POLR2E: variants seen among roughly 807,000 people sequenced by gnomAD.
The protein encoded by POLR2E is DNA-directed RNA polymerases I, II, and III subunit RPABC1.
A neutral mutation model predicts 29.8 loss-of-function variants in POLR2E; 35 were observed. The ratio of observed to expected loss-of-function variants is 1.17; its 90% CI spans 0.90 to 1.55. The LOEUF (loss-of-function observed/expected upper bound fraction) is 1.55, where lower values mean the gene tolerates loss of function less well. Among genes scored for constraint, POLR2E ranks in the 40% most tolerant of loss-of-function variants. POLR2E has a pLI of 0.00. For synonymous variants in POLR2E, 174 were observed against 112.6 expected, an observed-to-expected ratio of 1.55 and a Z score of -3.45; for missense variants, 287 against 288.6, an observed-to-expected ratio of 0.99 and a Z score of 0.04.
At chr19:1,094,358 C>G (rs938558230) in intron 1 of POLR2E, 2 of 439,818 alleles carry the variant, frequency 4.5e-6, no homozygotes, top group Admixed American at 4.2e-5. Flanking sequence ...GCAAAGCCCT[C>G]CAAACCACTT....
intron 4 of POLR2E, among the ~76,000 whole-genome samples, 166 bp downstream of exon 4, chr19:1,090,742 C>T (rs969467936): frequency 6.6e-6 from 1 of 152,008 alleles, no homozygotes; most frequent in African/African-American, 2.4e-5. Flanking sequence ...TAGGAAGCTC[C>T]CGGGTTCGGC....
At chr19:1,090,022 G>C (rs565208015) in intron 5 of POLR2E, 60 bp from the exon 6 acceptor site, 1 of 33,154 alleles carries the variant, frequency 3.0e-5, no homozygotes, top group South Asian at 5.0e-4. Context: ...GGGTGTGTGT[G>C]GGGGGGGAAC....
At chr19:1,092,882 C>CAAAAA (rs35413641) in intron 2 of POLR2E, among the ~76,000 whole-genome samples, 3 of 67,938 alleles carry the variant, frequency 4.4e-5, no homozygotes, top group African/African-American at 6.2e-5. Context: ...GACTCAGTCT[C>CAAAAA]AAAAAAAAAA....
chr19:1,089,607 C>A, intron 6 of POLR2E, 56 bp from the exon 7 acceptor site: 1 of 1,433,932 alleles, frequency 7.0e-7, no homozygotes, highest in South Asian at 1.1e-5. Context: ...CTGCAGTCAC[C>A]AGACAGCAGG....
In POLR2E at chr19:1,095,358, C is replaced by T. The variant is rs762590254; in HGVS notation, c.-43G>A. ...CCGCCGCTCGCACCCCTTCTCCGCG[C>T]GAGAACCCGCGCGGACTGCGCCTGC... On this transcript the variant is annotated 5_prime_UTR_variant, in exon 1 of 8. Coordinates refer to ENST00000615234, the MANE Select transcript of POLR2E (RefSeq NM_002695.5). 1.9e-6 allele frequency: 3 copies of T among 1,610,050 alleles called. No individual in the cohort carries two copies. The highest frequency in any genetic ancestry group is 2.2e-5 in the East Asian group (1 of 44,816).
rs1179708309 is a variant in POLR2E at position 1,089,492 on chromosome 19, C to T, written c.627G>A (p.Val209=). 9 of 1,613,078 alleles carry T rather than the reference C, an allele frequency of 5.6e-6. No individual in the cohort carries two copies. The highest frequency in any genetic ancestry group is 7.6e-6 in the Non-Finnish European group (9 of 1,179,308). The stretch of plus-strand genomic sequence containing the variant: ...CTCACCTGTCAGGCGGTAGCTACTG[C>T]ACCAGCCGGTAGGTGATGTACCTGC... ...TAGRYITYRL[V]Q Residue 209 remains valine, a synonymous_variant, in exon 7 of 8, where the codon GTG becomes GTA. Transcript: ENST00000615234.
At position 1,090,460 on chromosome 19, in the gene POLR2E, AT is replaced by A. The variant is rs58876047; in HGVS notation, c.430-316del. Among the ~76,000 whole-genome samples the A allele has an allele frequency of 3.1e-3, 284 of 90,434 alleles. 1 individual carries two copies. The highest frequency in any genetic ancestry group is 8.3e-3 in the African/African-American group (190 of 23,026). 59.3% of individuals were successfully genotyped at this position (90,434 alleles called of 152,430 possible). On this transcript the variant is annotated intron_variant, in intron 4 of 7. Transcript: ENST00000615234. Reference sequence around the variant, plus strand: ...AGGCTGGGGTGGGCCCGGGATCTGCATTTTTTTTTTTTTTTTTTTTTTTGAG... The same window carrying A: ...AGGCTGGGGTGGGCCCGGGATCTGCATTTTTTTTTTTTTTTTTTTTTTGAG...
In POLR2E at chr19:1,093,944, G is replaced by C; in HGVS notation, c.192C>G (p.His64Gln). 1 of 1,612,134 alleles carries C rather than the reference G, an allele frequency of 6.2e-7. No homozygotes were observed. Among genetic ancestry groups the C allele is most frequent in the Non-Finnish European group, 8.5e-7 (1 of 1,179,300 alleles). ...RRTDLTVLVAHNDDPTDQMFV... is the reference protein window; with the variant it reads ...RRTDLTVLVAQNDDPTDQMFV... ...ACATCTGGTCGGTGGGGTCATCGTT[G>C]TGGGCCACCAGCACGGTGAGGTCCG... Residue 64 changes from histidine to glutamine, a missense_variant, in exon 2 of 8, where the codon CAC becomes CAG. By Grantham distance (24) the His-to-Gln change is conservative. Coordinates refer to ENST00000615234, the MANE Select transcript of POLR2E (RefSeq NM_002695.5).
intron 2 of POLR2E, chr19:1,093,640 G>T (rs1246857103): frequency 2.6e-5 from 22 of 848,354 alleles, no homozygotes; most frequent in African/African-American, 5.4e-5. Flanking sequence ...GGGGCTGGGG[G>T]TGAGTGGGGA....
chr19:1,095,342 G>C lies in POLR2E; in HGVS notation c.-27C>G. On this transcript the variant is annotated 5_prime_UTR_variant, in exon 1 of 8. Coordinates refer to ENST00000615234, the MANE Select transcript of POLR2E (RefSeq NM_002695.5). ...GCAGCCTCCGCCGCCGCCGCCGCTC[G>C]CACCCCTTCTCCGCGCGAGAACCCG... The C allele has an allele frequency of 6.2e-7, 1 of 1,612,102 alleles. No homozygotes were observed. Among genetic ancestry groups the C allele is most frequent in the Non-Finnish European group, 8.5e-7 (1 of 1,179,324 alleles).
At chr19:1,090,310 C>T (rs544030354) in intron 4 of POLR2E, among the ~76,000 whole-genome samples, 165 bp from the exon 5 acceptor site, 7 of 149,820 alleles carry the variant, frequency 4.7e-5, no homozygotes, top group South Asian at 4.3e-4. Flanking sequence ...GCTCCACAGG[C>T]GGGGGACGGA....
rs779110478 is a variant in POLR2E at position 1,095,336 on chromosome 19, C to CTG, written c.-22_-21insCA. The CTG allele has an allele frequency of 6.2e-7, 1 of 1,612,508 alleles. No individual in the cohort carries two copies. Among genetic ancestry groups the CTG allele is most frequent in the Non-Finnish European group, 8.5e-7 (1 of 1,179,528 alleles). ...TCCATGGCAGCCTCCGCCGCCGCCG[C>CTG]CGCTCGCACCCCTTCTCCGCGCGAG... is the stretch of plus-strand genomic sequence containing the variant. On this transcript the variant is annotated 5_prime_UTR_variant, in exon 1 of 8. Coordinates refer to ENST00000615234, the MANE Select transcript of POLR2E (RefSeq NM_002695.5).
Position 1,088,498 on chromosome 19 carries a change from G to C in POLR2E, c.*237C>G, listed in dbSNP as rs1299422117. On this transcript the variant is annotated 3_prime_UTR_variant, in exon 8 of 8. Coordinates refer to ENST00000615234, the MANE Select transcript of POLR2E (RefSeq NM_002695.5). ...GCCCCCAGGTGACCTCCCTCTGGGG[G>C]CCTTGTTCCTTCTGAGGCTGCATCT... 6.6e-6 allele frequency: 1 copy of C among 152,250 alleles called. No homozygotes were observed. Among genetic ancestry groups the C allele is most frequent in the African/African-American group, 2.4e-5 (1 of 41,382 alleles). The allele number at this position is 152,250 out of a possible 1,614,324, so 9.4% of individuals were successfully genotyped here. A position where few individuals can be genotyped will look rare whatever the true frequency, so the allele number is the denominator to read the frequency against.
chr19:1,093,989 A>G lies in POLR2E; in HGVS notation c.147T>C (p.Ser49=). The change falls in exon 2 of 8, where the codon AGT becomes AGC. Residue 49 remains serine (S), a synonymous_variant. Coordinates refer to ENST00000615234, the MANE Select transcript of POLR2E (RefSeq NM_002695.5). Reference sequence around the variant, plus strand: ...GGTCCGTGCGCCGCGGCCGCCCCTCACTCGGCTTGTCCCCAGATTGGGCTT... The same window carrying G: ...GGTCCGTGCGCCGCGGCCGCCCCTCGCTCGGCTTGTCCCCAGATTGGGCTT... The part of the protein sequence containing the change: ...EFKAQSGDKP[S]EGRPRRTDLT... The G allele has an allele frequency of 6.2e-7, 1 of 1,613,674 alleles. No homozygotes were observed. The highest frequency in any genetic ancestry group is 8.5e-7 in the Non-Finnish European group (1 of 1,179,906).
chr19:1,095,112 C>A, intron 1 of POLR2E, 147 bp downstream of exon 1: 3 of 781,226 alleles, frequency 3.8e-6, no homozygotes, highest in Non-Finnish European at 6.1e-6. Flanking sequence ...GCCTGGTATC[C>A]CCGGCGACCT....
chr19:1,089,296 C>T (rs567578687), intron 7 of POLR2E, among the ~76,000 whole-genome samples, 176 bp downstream of exon 7: 13 of 152,292 alleles, frequency 8.5e-5, no homozygotes, highest in South Asian at 2.1e-4. Flanking sequence ...CTGCAGCCTA[C>T]GGTCGGGTGG....
intron 6 of POLR2E, 166 bp downstream of exon 6, chr19:1,089,718 G>A (rs1408465890): frequency 5.1e-6 from 4 of 779,290 alleles, no homozygotes; most frequent in South Asian, 1.6e-5. Flanking sequence ...CTCTTCTCTG[G>A]GCCCAGTGGC....
chr19:1,091,908 C>A lies in POLR2E; in HGVS notation c.233-1G>T. The A allele has an allele frequency of 6.2e-7, 1 of 1,602,746 alleles. No homozygotes were observed. ...GTCTTGATGCCCACCTTGGGCTCCT[C>A]TGCAGACAGAGAGTGTGCTGGCCTG... On this transcript the variant is annotated splice_acceptor_variant, in intron 2 of 7. Coordinates refer to ENST00000615234, the MANE Select transcript of POLR2E (RefSeq NM_002695.5). LOFTEE classifies it high-confidence loss of function.
At chr19:1,090,207 G>A (rs1360336966) in intron 4 of POLR2E, 62 bp from the exon 5 acceptor site, 2 of 1,428,612 alleles carry the variant, frequency 1.4e-6, no homozygotes, top group Admixed American at 3.4e-5. Flanking sequence ...GTGGCTCCCA[G>A]GTGCCACCAC....
Sources: gnomAD v4.1 joint callset for allele counts (sites outside exome capture counted in the v4.1 genomes callset) on GRCh38, gnomAD v4.1.1 for gene constraint, MANE v1.5 for transcripts, NCBI Gene and HGNC (gene_info 2026-07-23, HGNC 2026-07-21) for gene names.